ST6GALNAC3: variants seen among roughly 807,000 people sequenced by gnomAD.
The protein encoded by ST6GALNAC3 is alpha-N-acetylgalactosaminide alpha-2,6-sialyltransferase 3.
In ST6GALNAC3, 25 loss-of-function variants were observed where a neutral mutation model predicts 32.7. That is an observed-to-expected ratio of 0.76 (90% CI 0.56 to 1.07). ST6GALNAC3 has a LOEUF of 1.07. ST6GALNAC3 is among the 50% of genes least tolerant of loss of function. The probability of loss-of-function intolerance (pLI) is 0.00; values close to 1 mark genes in which losing one functional copy is unlikely to be tolerated. For missense variants in ST6GALNAC3, 355 were observed against 382.4 expected (o/e 0.93, Z 0.60); for synonymous variants, 129 against 133.1 (o/e 0.97, Z 0.21).
In ST6GALNAC3 at chr1:76,278,223, C is replaced by CTTTTTTTTTTTTTTTT. The variant is rs568694243; in HGVS notation, c.19-35567_19-35566insTTTTTTTTTTTTTTTT. Among the ~76,000 whole-genome samples the CTTTTTTTTTTTTTTTT allele has an allele frequency of 1.4e-3, 155 of 113,678 alleles. 3 individuals are homozygous for CTTTTTTTTTTTTTTTT. Among genetic ancestry groups the CTTTTTTTTTTTTTTTT allele is most frequent in the East Asian group, 9.5e-3 (29 of 3,064 alleles). The allele number at this position is 113,678 out of a possible 152,430, so 74.6% of individuals were successfully genotyped here. A position where few individuals can be genotyped will look rare whatever the true frequency, so the allele number is the denominator to read the frequency against. ...TGTATTCTCATTATTGCTAGGCATT[C>CTTTTTTTTTTTTTTTT]TTTTTTTTTTTTTTTGAGATGGAGT... On this transcript the variant is annotated intron_variant, in intron 1 of 4. Coordinates refer to ENST00000328299, the MANE Select transcript of ST6GALNAC3 (RefSeq NM_152996.4).
chr1:76,528,829 T>C (rs1338311647), intron 3 of ST6GALNAC3, among the ~76,000 whole-genome samples: 1 of 151,128 alleles, frequency 6.6e-6, no homozygotes, highest in Non-Finnish European at 1.5e-5. Flanking sequence ...CTAGAAACTA[T>C]GAGCCAAATA....
intron 2 of ST6GALNAC3, among the ~76,000 whole-genome samples, chr1:76,319,076 T>G (rs1646920072): frequency 6.6e-6 from 1 of 152,176 alleles, no homozygotes; most frequent in African/African-American, 2.4e-5. Context: ...AGGATCCAGC[T>G]TGGGTGATCA....
intron 1 of ST6GALNAC3, among the ~76,000 whole-genome samples, chr1:76,263,545 C>T (rs950572181): frequency 3.9e-5 from 6 of 152,030 alleles, no homozygotes; most frequent in Non-Finnish European, 7.4e-5. Flanking sequence ...GTGGACTCAA[C>T]GAAGAAAGAA....
Position 76,074,873 on chromosome 1 carries a change from T to C in ST6GALNAC3, c.7T>C (p.Cys3Arg), listed in dbSNP as rs1646790058. 6.3e-7 allele frequency: 1 copy of C among 1,595,254 alleles called. No individual in the cohort carries two copies. MA[C>R]ILKRKSVIAV... ...GGAGGGCCGGCGGAGCGCCATGGCCTGCATCCTGAAGGTAACGACTTGGAT... is the reference window on the plus strand; with the variant it reads ...GGAGGGCCGGCGGAGCGCCATGGCCCGCATCCTGAAGGTAACGACTTGGAT... The change falls in exon 1 of 5, where the codon TGC (cysteine) becomes CGC (arginine). Residue 3 changes from cysteine to arginine, a missense_variant. Coordinates refer to ENST00000328299, the MANE Select transcript of ST6GALNAC3 (RefSeq NM_152996.4).
At chr1:76,441,100 A>AAAAT (rs1553198036) in intron 3 of ST6GALNAC3, among the ~76,000 whole-genome samples, 9 of 148,482 alleles carry the variant, frequency 6.1e-5, no homozygotes, top group Admixed American at 3.3e-4. Context: ...AAAAAAAAAA[A>AAAAT]AAAAAAAATA....
chr1:76,182,053 T>C (rs958790187), intron 1 of ST6GALNAC3, among the ~76,000 whole-genome samples: 13 of 152,180 alleles, frequency 8.5e-5, no homozygotes, highest in African/African-American at 2.2e-4. Context: ...ACCCTACTAA[T>C]AGAAATTTGA....
At chr1:76,190,497 G>A (rs1653830330) in intron 1 of ST6GALNAC3, among the ~76,000 whole-genome samples, 1 of 152,146 alleles carries the variant, frequency 6.6e-6, no homozygotes, top group Admixed American at 6.5e-5. Flanking sequence ...AAACCCATAA[G>A]CAAACACAAA....
intron 1 of ST6GALNAC3, among the ~76,000 whole-genome samples, chr1:76,222,174 A>T (rs1275951039): frequency 6.6e-6 from 1 of 152,186 alleles, no homozygotes; most frequent in Non-Finnish European, 1.5e-5. Context: ...CTCCCTATTT[A>T]ATAAATAGTG....
At chr1:76,355,819 A>AGGGT (rs1239962469) in intron 2 of ST6GALNAC3, among the ~76,000 whole-genome samples, 12 of 152,148 alleles carry the variant, frequency 7.9e-5, no homozygotes, top group Admixed American at 7.2e-4. Flanking sequence ...TATCAAGTCA[A>AGGGT]GGGTTTAATC....
intron 3 of ST6GALNAC3, among the ~76,000 whole-genome samples, chr1:76,604,269 G>A (rs938302539): frequency 3.3e-5 from 5 of 152,128 alleles, no homozygotes; most frequent in Admixed American, 3.3e-4. Context: ...AGACGTTAAA[G>A]GTTCTGTAAT....
At chr1:76,308,013 G>A (rs1438668763) in intron 1 of ST6GALNAC3, 7 of 423,718 alleles carry the variant, frequency 1.7e-5, no homozygotes, top group Non-Finnish European at 2.9e-5. Context: ...TGTCTCAGCT[G>A]TTAAAGGCCC....
At chr1:76,411,423 TATG>T (rs1478906160) in intron 2 of ST6GALNAC3, among the ~76,000 whole-genome samples, 1 of 152,162 alleles carries the variant, frequency 6.6e-6, no homozygotes, top group Non-Finnish European at 1.5e-5. Flanking sequence ...CGCCAATTAA[TATG>T]ATGACTTGAG....
rs1649239343 is a variant in ST6GALNAC3 at position 76,630,488 on chromosome 1, A to G, written c.*1682A>G. Reference sequence around the variant, plus strand: ...AAATAGTAAAGGGTTGATTTGCTGCAAGAGTAGCTGAGAATTCAAAAACAT... The same window carrying G: ...AAATAGTAAAGGGTTGATTTGCTGCGAGAGTAGCTGAGAATTCAAAAACAT... On this transcript the variant is annotated 3_prime_UTR_variant, in exon 5 of 5. Coordinates refer to ENST00000328299, the MANE Select transcript of ST6GALNAC3 (RefSeq NM_152996.4). 1.0e-6 allele frequency: 1 copy of G among 985,118 alleles called. No individual in the cohort carries two copies. 61.0% of individuals were successfully genotyped at this position (985,118 alleles called of 1,614,324 possible).
At chr1:76,153,385 A>G (rs1404215714) in intron 1 of ST6GALNAC3, among the ~76,000 whole-genome samples, 2 of 152,102 alleles carry the variant, frequency 1.3e-5, no homozygotes, top group Non-Finnish European at 2.9e-5. Flanking sequence ...CAGGGCTCCT[A>G]TAGACCCATA....
downstream of ST6GALNAC3, chr1:76,637,260 A>AT (rs1649526253): frequency 6.6e-6 from 1 of 152,216 alleles, no homozygotes. Context: ...GAAGTACAAC[A>AT]TATACAATCA....
intron 3 of ST6GALNAC3, among the ~76,000 whole-genome samples, chr1:76,578,436 G>A (rs777410495): frequency 9.9e-5 from 15 of 151,864 alleles, no homozygotes; most frequent in South Asian, 2.1e-4. Context: ...TAATTTCATC[G>A]GGCTAGCATT....
intron 2 of ST6GALNAC3, among the ~76,000 whole-genome samples, chr1:76,343,791 T>C (rs1437002046): frequency 6.6e-6 from 1 of 152,238 alleles, no homozygotes; most frequent in Non-Finnish European, 1.5e-5. Context: ...CTTGATAGCA[T>C]GTTAATGCCA....
intron 3 of ST6GALNAC3, among the ~76,000 whole-genome samples, chr1:76,540,138 A>G (rs1663897824): frequency 6.6e-6 from 1 of 152,214 alleles, no homozygotes; most frequent in African/African-American, 2.4e-5. Context: ...TGGATAGAAA[A>G]AATGTGGTAC....
At chr1:76,226,743 A>G (rs1173275645) in intron 1 of ST6GALNAC3, among the ~76,000 whole-genome samples, 3 of 152,032 alleles carry the variant, frequency 2.0e-5, no homozygotes, top group Admixed American at 6.6e-5. Context: ...TCACGAGAGA[A>G]CTCACTCACT....
Sources: gnomAD v4.1 joint callset for allele counts (sites outside exome capture counted in the v4.1 genomes callset) on GRCh38, gnomAD v4.1.1 for gene constraint, MANE v1.5 for transcripts, NCBI Gene and HGNC (gene_info 2026-07-23, HGNC 2026-07-21) for gene names.